Variants in DENND4A observed in about 807,000 individuals in gnomAD.
DENND4A encodes C-myc promoter-binding protein.
DENND4A carries 70 observed loss-of-function variants against 199.3 expected under a neutral mutation model. The observed-to-expected ratio is 0.35, with a 90% confidence interval of 0.29 to 0.43. The LOEUF (loss-of-function observed/expected upper bound fraction) is 0.43, where lower values mean the gene tolerates loss of function less well. DENND4A is among the 20% of genes least tolerant of loss of function. The pLI, the probability that DENND4A is intolerant of heterozygous loss-of-function variation, is 1.00. For synonymous variants in DENND4A, 686 were observed against 766.9 expected (o/e 0.89, Z 1.74); for missense variants, 1,723 against 2,255.8 (o/e 0.76, Z 4.78).
intron 20 of DENND4A, among the ~76,000 whole-genome samples, 172 bp downstream of exon 20, chr15:65,700,372 T>C (rs1386302210): frequency 6.6e-6 from 1 of 151,922 alleles, no homozygotes; most frequent in Non-Finnish European, 1.5e-5. Context: ...AAATAAAGAA[T>C]GAATAAAATT....
intron 5 of DENND4A, among the ~76,000 whole-genome samples, chr15:65,741,113 G>A (rs941342597): frequency 1.3e-5 from 2 of 151,864 alleles, no homozygotes; most frequent in Non-Finnish European, 2.9e-5. Flanking sequence ...TTAAAGATGG[G>A]GTCTATGTTG....
intron 32 of DENND4A, among the ~76,000 whole-genome samples, chr15:65,663,202 T>A (rs1049669910): frequency 9.0e-5 from 13 of 144,748 alleles, no homozygotes; most frequent in African/African-American, 2.3e-4. Context: ...ATATATATTT[T>A]TTTTTTTTTA....
chr15:65,731,506 T>C lies in DENND4A; in HGVS notation c.1166+136A>G, dbSNP rs183594650. 5.0e-4 allele frequency: 378 copies of C among 753,462 alleles called. 3 individuals carry two copies. In the African/African-American group the frequency reaches 5.6e-3, roughly 11 times the overall value. 46.7% of individuals were successfully genotyped at this position (753,462 alleles called of 1,614,324 possible). A position where few individuals can be genotyped will look rare whatever the true frequency, so the allele number is the denominator to read the frequency against. On this transcript the variant is annotated intron_variant, in intron 9 of 32. Transcript: ENST00000443035. Reference sequence around the variant, plus strand: ...TAATAACTGCAACCCAAACATTAAGTAAAAGGAATTTAGAGAAGTAGTAGT... The same window carrying C: ...TAATAACTGCAACCCAAACATTAAGCAAAAGGAATTTAGAGAAGTAGTAGT...
intron 11 of DENND4A, among the ~76,000 whole-genome samples, chr15:65,728,368 T>G (rs890048918): frequency 1.3e-5 from 2 of 152,194 alleles, no homozygotes; most frequent in Admixed American, 6.5e-5. Flanking sequence ...AATCAAAGAA[T>G]GGTGTTTTAA....
At chr15:65,686,443 T>A (rs1255159231) in intron 23 of DENND4A, among the ~76,000 whole-genome samples, 1 of 152,244 alleles carries the variant, frequency 6.6e-6, no homozygotes, top group Non-Finnish European at 1.5e-5. Context: ...TGAGCGTTTT[T>A]AAATTTCCTA....
At chr15:65,780,309 A>C (rs1177006165) in intron 1 of DENND4A, among the ~76,000 whole-genome samples, 1 of 152,246 alleles carries the variant, frequency 6.6e-6, no homozygotes, top group African/African-American at 2.4e-5. Context: ...AATCCAAAAG[A>C]GAAAAGGCTA....
intron 14 of DENND4A, among the ~76,000 whole-genome samples, chr15:65,712,003 T>C (rs2075266068): frequency 6.6e-6 from 1 of 152,224 alleles, no homozygotes; most frequent in South Asian, 2.1e-4. Flanking sequence ...AAAACACTGC[T>C]ACCATTTGAA....
chr15:65,772,293 T>C (rs1287246339), intron 1 of DENND4A, among the ~76,000 whole-genome samples: 1 of 152,250 alleles, frequency 6.6e-6, no homozygotes, highest in Non-Finnish European at 1.5e-5. Flanking sequence ...GAAATGGACA[T>C]GTATCAGTTT....
intron 2 of DENND4A, among the ~76,000 whole-genome samples, chr15:65,760,249 C>T (rs1159284791): frequency 1.3e-5 from 2 of 152,196 alleles, no homozygotes; most frequent in African/African-American, 2.4e-5. Flanking sequence ...GTAATCCCAG[C>T]ACTTTGGAAG....
At chr15:65,669,703 CTAATT>C in intron 27 of DENND4A, 71 bp downstream of exon 27, 1 of 1,299,956 alleles carries the variant, frequency 7.7e-7, no homozygotes, top group Non-Finnish European at 1.0e-6. Context: ...AAATGGTCAA[CTAATT>C]TTTCTGTCAT....
At chr15:65,748,395 A>G (rs2076469407) in intron 4 of DENND4A, among the ~76,000 whole-genome samples, 2 of 152,036 alleles carry the variant, frequency 1.3e-5, no homozygotes, top group Admixed American at 6.6e-5. Flanking sequence ...AGGAGGGAGG[A>G]TTGCTTGAGG....
At chr15:65,702,252 G>T in intron 17 of DENND4A, 53 bp downstream of exon 17, 1 of 1,407,474 alleles carries the variant, frequency 7.1e-7, no homozygotes, top group Non-Finnish European at 9.8e-7. Context: ...CTGGGTGACA[G>T]AGTGAGACCC....
chr15:65,757,722 C>T (rs1355369165), intron 2 of DENND4A, among the ~76,000 whole-genome samples: 1 of 152,134 alleles, frequency 6.6e-6, no homozygotes, highest in Non-Finnish European at 1.5e-5. Flanking sequence ...GTGGCTCACG[C>T]CTGTAATCCC....
chr15:65,791,786 G>A (rs1325418877), intron 1 of DENND4A, among the ~76,000 whole-genome samples: 1 of 151,912 alleles, frequency 6.6e-6, no homozygotes, highest in Non-Finnish European at 1.5e-5. Flanking sequence ...CCACGCGTCC[G>A]ACGCAGAGGC....
chr15:65,736,778 T>C (rs1446475070), intron 7 of DENND4A, among the ~76,000 whole-genome samples: 1 of 152,178 alleles, frequency 6.6e-6, no homozygotes, highest in Non-Finnish European at 1.5e-5. Flanking sequence ...CCAAAACAAC[T>C]ACTGCAACAG....
intron 14 of DENND4A, among the ~76,000 whole-genome samples, chr15:65,712,255 C>G (rs542206912): frequency 3.9e-5 from 6 of 152,298 alleles, no homozygotes; most frequent in South Asian, 4.1e-4. Flanking sequence ...CTACAAGGCT[C>G]TGAATGTGTT....
chr15:65,706,932 A>T (rs1365405156), intron 14 of DENND4A, among the ~76,000 whole-genome samples: 1 of 152,236 alleles, frequency 6.6e-6, no homozygotes, highest in Non-Finnish European at 1.5e-5. Context: ...ATATTTGAAT[A>T]TACCTTTTTA....
At chr15:65,708,631 C>A (rs1048045687) in intron 14 of DENND4A, among the ~76,000 whole-genome samples, 1 of 151,884 alleles carries the variant, frequency 6.6e-6, no homozygotes, top group Non-Finnish European at 1.5e-5. Flanking sequence ...CTGTCTCTAT[C>A]GAGAGAAAAA....
intron 14 of DENND4A, among the ~76,000 whole-genome samples, chr15:65,706,636 CA>C (rs1204473636): frequency 6.6e-6 from 1 of 152,144 alleles, no homozygotes; most frequent in Non-Finnish European, 1.5e-5. Flanking sequence ...GCTGGGACTA[CA>C]GGCGTGTGCC....
Sources: gnomAD v4.1 joint callset for allele counts (sites outside exome capture counted in the v4.1 genomes callset) on GRCh38, gnomAD v4.1.1 for gene constraint, MANE v1.5 for transcripts, NCBI Gene and HGNC (gene_info 2026-07-23, HGNC 2026-07-21) for gene names.